Variants in LINGO2 observed in about 807,000 individuals in gnomAD.
LINGO2 encodes the protein leucine rich repeat and Ig domain containing 2, also known as leucine-rich repeat and immunoglobulin-like domain-containing nogo receptor-interacting protein 2.
In LINGO2, 14 loss-of-function variants were observed where a neutral mutation model predicts 30.6. The ratio of observed to expected loss-of-function variants is 0.46; its 90% CI spans 0.30 to 0.72. The LOEUF (loss-of-function observed/expected upper bound fraction) is 0.72. Ranked by LOEUF, LINGO2 falls within the 30% of genes least tolerant of loss-of-function variation. LINGO2 has a pLI of 0.07. For missense variants in LINGO2, 729 were observed against 751.7 expected (o/e 0.97, Z 0.35); for synonymous variants, 317 against 288.5 (o/e 1.10, Z -1.00).
chr9:28,439,595 A>G (rs573785476), intron 2 of LINGO2, among the ~76,000 whole-genome samples: 1 of 152,098 alleles, frequency 6.6e-6, no homozygotes, highest in East Asian at 1.9e-4. Flanking sequence ...TTTAAAGCAT[A>G]TAGCACCTTC....
intron 4 of LINGO2, among the ~76,000 whole-genome samples, chr9:28,244,208 C>A (rs1188730906): frequency 1.3e-5 from 2 of 152,148 alleles, no homozygotes; most frequent in African/African-American, 4.8e-5. Context: ...AATTGAACAA[C>A]CTACTCCTGA....
chr9:28,568,720 T>C (rs1823521263), intron 1 of LINGO2, among the ~76,000 whole-genome samples: 1 of 151,808 alleles, frequency 6.6e-6, no homozygotes. Flanking sequence ...AAATAAAAAC[T>C]TCCTCTGAAG....
chr9:28,703,689 G>T, the LINGO2 span, among the ~76,000 whole-genome samples: 1 of 151,942 alleles, frequency 6.6e-6, no homozygotes, highest in South Asian at 2.1e-4. Flanking sequence ...TTGATTAAAA[G>T]GCATTGAACA....
At chr9:28,237,022 T>C (rs966193464) in intron 4 of LINGO2, among the ~76,000 whole-genome samples, 4 of 146,966 alleles carry the variant, frequency 2.7e-5, no homozygotes, top group South Asian at 2.1e-4. Context: ...ACAAGTACTA[T>C]GTACTGCAAA....
the LINGO2 span, among the ~76,000 whole-genome samples, chr9:29,020,005 A>G: frequency 6.6e-6 from 1 of 152,216 alleles, no homozygotes; most frequent in Non-Finnish European, 1.5e-5. Flanking sequence ...GAATAATAAA[A>G]TTTAGAAAAA....
chr9:28,945,505 G>T, the LINGO2 span, among the ~76,000 whole-genome samples: 1 of 152,010 alleles, frequency 6.6e-6, no homozygotes, highest in Non-Finnish European at 1.5e-5. Flanking sequence ...TAATAAAATT[G>T]TTCAATTCTA....
intron 1 of LINGO2, among the ~76,000 whole-genome samples, chr9:28,641,195 G>A (rs1827559339): frequency 2.0e-5 from 3 of 151,966 alleles, no homozygotes; most frequent in East Asian, 1.9e-4. Context: ...CACCACGCTC[G>A]GCTAATTTTG....
the LINGO2 span, among the ~76,000 whole-genome samples, chr9:29,082,196 A>G: frequency 6.6e-6 from 1 of 152,210 alleles, no homozygotes; most frequent in African/African-American, 2.4e-5. Context: ...AGGCTACAGT[A>G]ACCAAAACAG....
chr9:28,304,039 A>G (rs1302957345), intron 3 of LINGO2, among the ~76,000 whole-genome samples: 2 of 152,080 alleles, frequency 1.3e-5, no homozygotes, highest in Non-Finnish European at 2.9e-5. Flanking sequence ...TGATAGCTAA[A>G]GCACTGGGTT....
chr9:29,169,217 G>C, the LINGO2 span, among the ~76,000 whole-genome samples: 1 of 152,098 alleles, frequency 6.6e-6, no homozygotes, highest in Non-Finnish European at 1.5e-5. Context: ...CAAAGTGCTA[G>C]GATTACAGGG....
chr9:28,368,891 C>T (rs1820791701), intron 3 of LINGO2, among the ~76,000 whole-genome samples: 1 of 151,840 alleles, frequency 6.6e-6, no homozygotes, highest in Non-Finnish European at 1.5e-5. Flanking sequence ...CCACCGTGCC[C>T]AGCCTAGAGT....
At chr9:28,259,825 A>G (rs1009917287) in intron 4 of LINGO2, among the ~76,000 whole-genome samples, 3 of 151,928 alleles carry the variant, frequency 2.0e-5, no homozygotes, top group African/African-American at 7.2e-5. Context: ...TAGGGGAGTC[A>G]TTCTGTACCA....
At chr9:28,979,602 T>G in the LINGO2 span, among the ~76,000 whole-genome samples, 2 of 152,242 alleles carry the variant, frequency 1.3e-5, no homozygotes, top group East Asian at 3.9e-4. Context: ...TAGATTTGTA[T>G]GCTGATGTCT....
At chr9:28,278,886 T>C (rs555590953) in intron 4 of LINGO2, among the ~76,000 whole-genome samples, 10 of 151,358 alleles carry the variant, frequency 6.6e-5, no homozygotes, top group Admixed American at 4.0e-4. Flanking sequence ...ACAAGGTAAA[T>C]TGAAAACCTC....
chr9:28,826,711 C>G, the LINGO2 span, among the ~76,000 whole-genome samples: 1 of 152,170 alleles, frequency 6.6e-6, no homozygotes, highest in Non-Finnish European at 1.5e-5. Context: ...CTGAATAAGA[C>G]AACAAAGTCT....
intron 3 of LINGO2, among the ~76,000 whole-genome samples, chr9:28,341,222 A>T (rs1473330454): frequency 1.3e-5 from 2 of 152,136 alleles, no homozygotes; most frequent in Admixed American, 1.3e-4. Flanking sequence ...AAAATTTGCA[A>T]TTTTAAAAAT....
At chr9:28,766,789 G>GGAGAGAGAGAGAGAGGGAAGGA in the LINGO2 span, among the ~76,000 whole-genome samples, 2 of 144,982 alleles carry the variant, frequency 1.4e-5, no homozygotes, top group African/African-American at 2.5e-5. Flanking sequence ...AGAGAGAGAG[G>GGAGAGAGAGAGAGAGGGAAGGA]GAGAGAGAGA....
At chr9:29,030,222 ATTATT>A in the LINGO2 span, among the ~76,000 whole-genome samples, 2 of 152,144 alleles carry the variant, frequency 1.3e-5, no homozygotes, top group East Asian at 3.9e-4. Flanking sequence ...TAAGAAAAGT[ATTATT>A]TTATCAGAAA....
At chr9:28,718,215 A>C in the LINGO2 span, among the ~76,000 whole-genome samples, 2 of 151,918 alleles carry the variant, frequency 1.3e-5, no homozygotes. Flanking sequence ...TTTAGGTTTA[A>C]TACCAGTTAA....
Sources: gnomAD v4.1 joint callset for allele counts (sites outside exome capture counted in the v4.1 genomes callset) on GRCh38, gnomAD v4.1.1 for gene constraint, MANE v1.5 for transcripts, NCBI Gene and HGNC (gene_info 2026-07-23, HGNC 2026-07-21) for gene names.